The following KCNK10 variants were observed in gnomAD, a reference collection of about 807,000 sequenced individuals.
KCNK10 encodes potassium two pore domain channel subfamily K member 10.
A neutral mutation model predicts 47.7 loss-of-function variants in KCNK10; 25 were observed. The ratio of observed to expected loss-of-function variants is 0.52; its 90% CI spans 0.38 to 0.73. KCNK10 has a LOEUF of 0.73. Ranked by LOEUF, KCNK10 falls within the 30% of genes least tolerant of loss-of-function variation. The pLI is 0.00. For synonymous variants in KCNK10, 303 were observed against 285.6 expected (o/e 1.06, Z -0.61); for missense variants, 563 against 714.5 (o/e 0.79, Z 2.42).
intron 1 of KCNK10, among the ~76,000 whole-genome samples, chr14:88,297,759 G>T (rs2139787065): frequency 6.6e-6 from 1 of 152,276 alleles, no homozygotes; most frequent in South Asian, 2.1e-4. Flanking sequence ...TTGCAGTCAG[G>T]ATTGGCGCAT....
chr14:88,185,436 G>C lies in KCNK10; in HGVS notation c.*99C>G. ...TATTCTTCAATGCTATGTAATTTTG[G>C]ACTAAAAAGTCTGTTTAAGGCACAT... On this transcript the variant is annotated 3_prime_UTR_variant, in exon 7 of 7. Transcript: ENST00000319231. The surrounding 1 kb of genome is among the most constrained non-coding windows in gnomAD (Gnocchi z 4.3). 6.8e-7 allele frequency: 1 copy of C among 1,468,800 alleles called. No homozygotes were observed. Among genetic ancestry groups the C allele is most frequent in the Non-Finnish European group, 9.1e-7 (1 of 1,094,696 alleles). 91.0% of individuals were successfully genotyped at this position (1,468,800 alleles called of 1,614,324 possible). A position where few individuals can be genotyped will look rare whatever the true frequency, so the allele number is the denominator to read the frequency against.
At chr14:88,320,229 T>C (rs1157554714) in intron 1 of KCNK10, among the ~76,000 whole-genome samples, 1 of 152,244 alleles carries the variant, frequency 6.6e-6, no homozygotes, top group Non-Finnish European at 1.5e-5. Context: ...GCACCTGGCA[T>C]GCAATGGTTG....
Position 88,184,481 on chromosome 14 carries a change from C to G in KCNK10, c.*1054G>C, listed in dbSNP as rs961494664. ...GAGATAGCGAGATTGGATCTTATCA[C>G]TATGTCTACCCTAAGACACCCAAGG... On this transcript the variant is annotated 3_prime_UTR_variant, in exon 7 of 7. Coordinates refer to ENST00000319231, the MANE Select transcript of KCNK10 (RefSeq NM_138317.3). 11 of 152,298 alleles carry G rather than the reference C, an allele frequency of 7.2e-5. No homozygotes were observed. Among genetic ancestry groups the G allele is most frequent in the African/African-American group, 2.4e-4 (10 of 41,416 alleles). The allele number at this position is 152,298 out of a possible 1,614,324, so 9.4% of individuals were successfully genotyped here.
chr14:88,220,611 A>AG (rs1196918801), intron 4 of KCNK10, among the ~76,000 whole-genome samples: 1 of 151,278 alleles, frequency 6.6e-6, no homozygotes, highest in African/African-American at 2.4e-5. Context: ...GGAGAAAAAA[A>AG]AAAAGGTCTT....
intron 4 of KCNK10, among the ~76,000 whole-genome samples, chr14:88,203,152 A>C (rs1885156567): frequency 6.6e-6 from 1 of 152,164 alleles, no homozygotes; most frequent in Non-Finnish European, 1.5e-5. Flanking sequence ...AGGAGCAGTC[A>C]CAAGGATGGT....
At chr14:88,307,452 G>A (rs754880811) in intron 1 of KCNK10, among the ~76,000 whole-genome samples, 12 of 152,050 alleles carry the variant, frequency 7.9e-5, no homozygotes, top group Non-Finnish European at 1.6e-4. Flanking sequence ...CCAGGGACTG[G>A]GAGAGATAAA....
In KCNK10 at chr14:88,184,625, TC is replaced by T. The variant is rs1443185980; in HGVS notation, c.*909del. 3 of 152,358 alleles carry T rather than the reference TC, an allele frequency of 2.0e-5. No individual in the cohort carries two copies. Among genetic ancestry groups the T allele is most frequent in the African/African-American group, 7.2e-5 (3 of 41,458 alleles). The allele number at this position is 152,358 out of a possible 1,614,324, so 9.4% of individuals were successfully genotyped here. A position where few individuals can be genotyped will look rare whatever the true frequency, so the allele number is the denominator to read the frequency against. On this transcript the variant is annotated 3_prime_UTR_variant, in exon 7 of 7. Coordinates refer to ENST00000319231, the MANE Select transcript of KCNK10 (RefSeq NM_138317.3). Reference sequence around the variant, plus strand: ...TAGACAGAACAGCAAGCCACTGGCATCATGCAAGGCAATTGTTTTGGTATTT... The same window carrying T: ...TAGACAGAACAGCAAGCCACTGGCATATGCAAGGCAATTGTTTTGGTATTT...
chr14:88,208,475 C>A (rs1259312868), intron 4 of KCNK10, among the ~76,000 whole-genome samples: 1 of 152,096 alleles, frequency 6.6e-6, no homozygotes, highest in Admixed American at 6.5e-5. Context: ...GGGCTCAGGA[C>A]AATTGAGGCT....
intron 4 of KCNK10, among the ~76,000 whole-genome samples, chr14:88,205,611 C>G (rs1885247136): frequency 1.4e-5 from 2 of 148,040 alleles, no homozygotes; most frequent in South Asian, 4.3e-4. Context: ...ATGGCGTGAC[C>G]TCGGCTCACT....
intron 1 of KCNK10, among the ~76,000 whole-genome samples, chr14:88,290,939 A>G (rs1160261374): frequency 3.9e-5 from 6 of 152,216 alleles, no homozygotes; most frequent in Admixed American, 3.9e-4. Flanking sequence ...GCGTCAGGAA[A>G]CAGGCAGGGA....
chr14:88,282,760 C>T (rs927482937), intron 1 of KCNK10, among the ~76,000 whole-genome samples: 1 of 152,138 alleles, frequency 6.6e-6, no homozygotes, highest in Non-Finnish European at 1.5e-5. Flanking sequence ...AGAAAGGCAC[C>T]ACCTTGAAAA....
intron 4 of KCNK10, among the ~76,000 whole-genome samples, chr14:88,214,322 G>T (rs1885552146): frequency 6.6e-6 from 1 of 152,144 alleles, no homozygotes; most frequent in Non-Finnish European, 1.5e-5. Flanking sequence ...GGAGGACAAG[G>T]CCAGCTATCT....
intron 1 of KCNK10, among the ~76,000 whole-genome samples, chr14:88,303,298 G>T (rs1181750902): frequency 6.6e-6 from 1 of 152,168 alleles, no homozygotes; most frequent in Non-Finnish European, 1.5e-5. Flanking sequence ...CTTGTATCAG[G>T]ACATTCTGCA....
intron 4 of KCNK10, among the ~76,000 whole-genome samples, chr14:88,226,827 G>A (rs549008850): frequency 1.3e-4 from 20 of 152,298 alleles, no homozygotes; most frequent in African/African-American, 4.8e-4. Context: ...AGTTCAGTAG[G>A]AAGTAGTACA....
intron 1 of KCNK10, among the ~76,000 whole-genome samples, chr14:88,320,041 C>A (rs192361743): frequency 3.1e-4 from 47 of 152,312 alleles, no homozygotes; most frequent in African/African-American, 1.1e-3. Flanking sequence ...CATCCCCTGG[C>A]TAGAAAAAGA....
At chr14:88,240,902 T>A (rs1416190881) in intron 2 of KCNK10, 82 bp from the exon 3 acceptor site, 2 of 836,998 alleles carry the variant, frequency 2.4e-6, no homozygotes, top group Non-Finnish European at 3.8e-6. Context: ...AAGGTTCCAA[T>A]ACATTATTCC....
intron 1 of KCNK10, among the ~76,000 whole-genome samples, chr14:88,286,177 CT>C (rs1396557493): frequency 1.3e-5 from 2 of 152,186 alleles, no homozygotes; most frequent in African/African-American, 4.8e-5. Context: ...TTTCAGCCCC[CT>C]CCCCTAACCC....
At chr14:88,303,682 G>A (rs961878631) in intron 1 of KCNK10, among the ~76,000 whole-genome samples, 11 of 152,234 alleles carry the variant, frequency 7.2e-5, no homozygotes, top group Admixed American at 2.6e-4. Flanking sequence ...AGGAAAAGAC[G>A]CCCTTCATCT....
rs1884509170 is a variant in KCNK10, at chr14:88,185,427, G to A, written c.*108C>T. 3 of 1,425,446 alleles carry A rather than the reference G, an allele frequency of 2.1e-6. No individual in the cohort carries two copies. The highest frequency in any genetic ancestry group is 1.9e-6 in the Non-Finnish European group (2 of 1,058,368). The allele number at this position is 1,425,446 out of a possible 1,614,324, so 88.3% of individuals were successfully genotyped here. A position where few individuals can be genotyped will look rare whatever the true frequency, so the allele number is the denominator to read the frequency against. The stretch of plus-strand genomic sequence containing the variant: ...AGTGAAATATATTCTTCAATGCTAT[G>A]TAATTTTGGACTAAAAAGTCTGTTT... On this transcript the variant is annotated 3_prime_UTR_variant, in exon 7 of 7. Coordinates refer to ENST00000319231, the MANE Select transcript of KCNK10 (RefSeq NM_138317.3). The surrounding 1 kb of genome is among the most constrained non-coding windows in gnomAD (Gnocchi z 4.3).
Sources: allele counts gnomAD v4.1 joint callset (sites outside exome capture counted in the v4.1 genomes callset), GRCh38; gene constraint gnomAD v4.1.1; non-coding constraint Gnocchi (gnomAD v3.1); transcripts MANE v1.5; gene names NCBI Gene and HGNC (gene_info 2026-07-23, HGNC 2026-07-21).